The following MACROH2A2 variants were observed in gnomAD, a reference collection of about 807,000 sequenced individuals.
MACROH2A2 encodes core histone macro-H2A.2.
In MACROH2A2, 6 loss-of-function variants were observed where a neutral mutation model predicts 37.6. That is an observed-to-expected ratio of 0.16 (90% CI 0.09 to 0.32). The LOEUF (loss-of-function observed/expected upper bound fraction) is 0.32. Ranked by LOEUF, MACROH2A2 falls within the 10% of genes least tolerant of loss-of-function variation. The pLI is 1.00. For synonymous variants in MACROH2A2, 192 were observed against 202.7 expected (o/e 0.95, Z 0.45); for missense variants, 290 against 485.9 (o/e 0.60, Z 3.79).
At position 70,110,285 on chromosome 10, in the gene MACROH2A2, C is replaced by T. The variant is rs1229225572; in HGVS notation, c.953+1078C>T. Among the ~76,000 whole-genome samples, 3 of 152,262 alleles carry T rather than the reference C, an allele frequency of 2.0e-5. No homozygotes were observed. The East Asian group carries it at 5.8e-4, about 29-fold the overall frequency. ...TGCTGTGGCCCAGCCTGGTGGATGG[C>T]ACTATCAGTAGCTCCCTGGAACCTG... On this transcript the variant is annotated intron_variant, in intron 8 of 8. Coordinates refer to ENST00000373255, the MANE Select transcript of MACROH2A2 (RefSeq NM_018649.3).
rs372372655 is a variant in MACROH2A2, at chr10:70,090,079, C to G, written c.192C>G (p.Ala64=). The change falls in exon 3 of 9, where the codon GCC becomes GCG. Residue 64 remains alanine (A), a synonymous_variant. Coordinates refer to ENST00000373255, the MANE Select transcript of MACROH2A2 (RefSeq NM_018649.3). The part of the protein sequence containing the change: ...EYLAAEILEL[A]GNAARDNKKA... The stretch of plus-strand genomic sequence containing the variant: ...TTTCAGCGGAAATTCTAGAATTGGC[C>G]GGCAATGCCGCGAGGGACAACAAGA... 1.5e-5 allele frequency: 24 copies of G among 1,612,980 alleles called. No individual in the cohort carries two copies. Among genetic ancestry groups the G allele is most frequent in the Non-Finnish European group, 1.9e-5 (22 of 1,179,098 alleles).
intron 5 of MACROH2A2, among the ~76,000 whole-genome samples, chr10:70,095,033 C>G (rs2072266405): frequency 6.6e-6 from 1 of 152,094 alleles, no homozygotes; most frequent in African/African-American, 2.4e-5. Context: ...ACTAAGGCCA[C>G]CAGGGTTGGG....
rs772206652 is a variant in MACROH2A2 at position 70,090,170 on chromosome 10, T to C, written c.279+4T>C. On this transcript the variant is annotated splice_donor_region_variant and intron_variant, in intron 3 of 8. Coordinates refer to ENST00000373255, the MANE Select transcript of MACROH2A2 (RefSeq NM_018649.3). ...CAATGACGAGGAGCTCAACCAGGTA[T>C]GTCTGAAGCCTTGAGGGAAGCCGTA... The C allele has an allele frequency of 5.0e-6, 8 of 1,592,908 alleles. No homozygotes were observed. In the South Asian group the frequency reaches 8.8e-5, roughly 18 times the overall value.
chr10:70,078,160 C>T (rs1013965681), intron 2 of MACROH2A2, among the ~76,000 whole-genome samples: 4 of 152,236 alleles, frequency 2.6e-5, no homozygotes, highest in Non-Finnish European at 4.4e-5. Flanking sequence ...GTGAGATAAA[C>T]GAAGCTTACC....
chr10:70,085,876 C>A (rs2136632059), intron 2 of MACROH2A2, among the ~76,000 whole-genome samples: 1 of 152,272 alleles, frequency 6.6e-6, no homozygotes, highest in African/African-American at 2.4e-5. Context: ...TTAATAAAAT[C>A]CCCAAGATCA....
chr10:70,082,353 G>C (rs192094123), intron 2 of MACROH2A2, among the ~76,000 whole-genome samples: 1 of 151,976 alleles, frequency 6.6e-6, no homozygotes, highest in Non-Finnish European at 1.5e-5. Flanking sequence ...GGGAGGCGGA[G>C]GTTGCGGTGA....
intron 2 of MACROH2A2, among the ~76,000 whole-genome samples, chr10:70,077,233 T>C (rs563446902): frequency 6.6e-6 from 1 of 152,288 alleles, no homozygotes; most frequent in Non-Finnish European, 1.5e-5. Context: ...GTAGCCAGCC[T>C]TTTAACCTCA....
intron 2 of MACROH2A2, among the ~76,000 whole-genome samples, chr10:70,083,727 C>T (rs1049987158): frequency 6.6e-6 from 1 of 150,638 alleles, no homozygotes; most frequent in Admixed American, 6.7e-5. Flanking sequence ...CTAGCCCCAA[C>T]CTGGTGAAGG....
chr10:70,090,054 T>C lies in MACROH2A2; in HGVS notation c.173-6T>C. 1 of 1,602,780 alleles carries C rather than the reference T, an allele frequency of 6.2e-7. No individual in the cohort carries two copies. The highest frequency in any genetic ancestry group is 8.6e-7 in the Non-Finnish European group (1 of 1,169,522). On this transcript the variant is annotated splice_polypyrimidine_tract_variant and splice_region_variant and intron_variant, in intron 2 of 8. Coordinates refer to ENST00000373255, the MANE Select transcript of MACROH2A2 (RefSeq NM_018649.3). Reference sequence around the variant, plus strand: ...ATTGCCTGTTAATGCCTCCTTGTGATTTCAGCGGAAATTCTAGAATTGGCC... The same window carrying C: ...ATTGCCTGTTAATGCCTCCTTGTGACTTCAGCGGAAATTCTAGAATTGGCC...
intron 1 of MACROH2A2, among the ~76,000 whole-genome samples, chr10:70,073,239 G>A (rs890452998): frequency 2.0e-5 from 3 of 152,142 alleles, no homozygotes; most frequent in South Asian, 2.1e-4. Context: ...TCTTTCCTGC[G>A]ACAGGGCTGA....
chr10:70,083,249 C>T (rs1188019799), intron 2 of MACROH2A2, among the ~76,000 whole-genome samples: 2 of 152,122 alleles, frequency 1.3e-5, no homozygotes, highest in African/African-American at 4.8e-5. Context: ...TGCAGTATGC[C>T]CCTAGAGACA....
At chr10:70,082,925 C>A (rs2072188929) in intron 2 of MACROH2A2, among the ~76,000 whole-genome samples, 1 of 151,436 alleles carries the variant, frequency 6.6e-6, no homozygotes. Context: ...ATACTTAATG[C>A]CATTGAATTG....
intron 1 of MACROH2A2, among the ~76,000 whole-genome samples, chr10:70,057,328 C>T (rs571102382): frequency 6.8e-6 from 1 of 146,892 alleles, no homozygotes; most frequent in African/African-American, 2.5e-5. Flanking sequence ...CCAAGCCATT[C>T]CTTTCATTGT....
At chr10:70,109,723 C>G (rs756402468) in intron 8 of MACROH2A2, among the ~76,000 whole-genome samples, 5 of 152,194 alleles carry the variant, frequency 3.3e-5, no homozygotes, top group Non-Finnish European at 7.3e-5. Context: ...CTCTGGGAGA[C>G]TGCAGAGCCA....
At chr10:70,065,172 G>A (rs1013718905) in intron 1 of MACROH2A2, among the ~76,000 whole-genome samples, 6 of 151,802 alleles carry the variant, frequency 4.0e-5, no homozygotes, top group East Asian at 1.9e-4. Context: ...TCAGCCTCTC[G>A]AGTAGCTGGG....
At chr10:70,085,500 C>T (rs959179104) in intron 2 of MACROH2A2, among the ~76,000 whole-genome samples, 9 of 152,184 alleles carry the variant, frequency 5.9e-5, no homozygotes, top group African/African-American at 2.2e-4. Context: ...GAGTCTTGCT[C>T]ACTCCACCTC....
rs997477334 is a variant in MACROH2A2, at chr10:70,053,961, C to T, written c.-60+961C>T. On this transcript the variant is annotated intron_variant, in intron 1 of 8. Transcript: ENST00000373255. This position sits in a 1 kb window ranked among gnomAD's most constrained non-coding sequence, Gnocchi z 4.8. ...CGGTTGGGGACCAGCCCTGCCTCCC[C>T]CGGCTCCCAGCCTCCAGCCCCGGCG... Among the ~76,000 whole-genome samples, 5 of 152,340 alleles carry T rather than the reference C, an allele frequency of 3.3e-5. No homozygotes were observed. The highest frequency in any genetic ancestry group is 2.0e-4 in the Admixed American group (3 of 15,306).
intron 7 of MACROH2A2, among the ~76,000 whole-genome samples, chr10:70,104,660 AG>A: frequency 6.6e-6 from 1 of 152,316 alleles, no homozygotes; most frequent in South Asian, 2.1e-4. Context: ...GGGTGGCAAG[AG>A]TGAAACTCTG....
intron 6 of MACROH2A2, chr10:70,098,909 G>T (rs772117637): frequency 2.0e-5 from 3 of 152,186 alleles, no homozygotes; most frequent in Non-Finnish European, 4.4e-5. Context: ...CCTCTCTCCA[G>T]GATGCTTTTT....
Sources: gnomAD v4.1 joint callset for allele counts (sites outside exome capture counted in the v4.1 genomes callset) on GRCh38, gnomAD v4.1.1 for gene constraint, Gnocchi (gnomAD v3.1) non-coding constraint, MANE v1.5 for transcripts, NCBI Gene and HGNC (gene_info 2026-07-23, HGNC 2026-07-21) for gene names.